The following DPEP2 variants were observed in gnomAD, a reference collection of about 807,000 sequenced individuals.
DPEP2 encodes the protein dipeptidase 2.
In DPEP2, 45 loss-of-function variants were observed where a neutral mutation model predicts 51.8. The ratio of observed to expected loss-of-function variants is 0.87; its 90% confidence interval spans 0.68 to 1.11. The LOEUF is 1.11. DPEP2 is among the 50% of genes most tolerant of loss of function. DPEP2 has a pLI of 0.00. For synonymous variants in DPEP2, 255 were observed against 262.7 expected (o/e 0.97, Z 0.28); for missense variants, 604 against 631.9 (o/e 0.96, Z 0.47).
At chr16:67,998,657 T>A (rs1314590536) in intron 1 of DPEP2, among the ~76,000 whole-genome samples, 2 of 152,246 alleles carry the variant, frequency 1.3e-5, no homozygotes, top group Non-Finnish European at 2.9e-5. Flanking sequence ...CGGGATCCAC[T>A]GGGTGAAGCC....
chr16:67,990,700 G>A, intron 7 of DPEP2, 121 bp downstream of exon 7: 1 of 1,135,424 alleles, frequency 8.8e-7, no homozygotes, highest in Non-Finnish European at 1.3e-6. Context: ...CTGACCTCAA[G>A]TGATCAGCCC....
chr16:68,000,231 A>C (rs749426233), upstream of DPEP2, among the ~76,000 whole-genome samples: 11 of 152,282 alleles, frequency 7.2e-5, no homozygotes, highest in South Asian at 2.1e-4. Context: ...TTCCTCTTCT[A>C]TGCAGTGTTT....
At position 67,992,631 on chromosome 16, in the gene DPEP2, T is replaced by A; in HGVS notation, c.269A>T (p.Asn90Ile). The change falls in exon 3 of 11, where the codon AAC (asparagine) becomes ATC (isoleucine). Residue 90 changes from asparagine to isoleucine, a missense_variant. By Grantham distance (149) the Asn-to-Ile change is moderately radical. Coordinates refer to ENST00000393847, the MANE Select transcript of DPEP2 (RefSeq NM_022355.4). Reference sequence around the variant, plus strand: ...CTGCCTTAGGACCAGGGGCAGGTCGTTGTGGCTGGAGGGATGTCAAGCCAG... The same window carrying A: ...CTGCCTTAGGACCAGGGGCAGGTCGATGTGGCTGGAGGGATGTCAAGCCAG... The part of the protein sequence containing the change: ...MRDFPLVDGH[N>I]DLPLVLRQVY... 6.2e-7 allele frequency: 1 copy of A among 1,613,246 alleles called. No individual in the cohort carries two copies. The highest frequency in any genetic ancestry group is 8.5e-7 in the Non-Finnish European group (1 of 1,179,338).
At chr16:67,998,817 CAACT>C (rs2032858286) in intron 1 of DPEP2, among the ~76,000 whole-genome samples, 1 of 152,266 alleles carries the variant, frequency 6.6e-6, no homozygotes, top group South Asian at 2.1e-4. Context: ...GTGAATGCAC[CAACT>C]GACACTCTGT....
chr16:67,992,924 A>G, intron 2 of DPEP2, 26 bp downstream of exon 2: 1 of 1,595,286 alleles, frequency 6.3e-7, no homozygotes. Context: ...CTCAGCTCCC[A>G]TCGCCCCCTT....
In DPEP2 at chr16:67,991,020, G is replaced by A. The variant is rs781418267; in HGVS notation, c.733-23C>T. The A allele has an allele frequency of 1.2e-6, 2 of 1,613,716 alleles. No homozygotes were observed. The highest frequency in any genetic ancestry group is 1.7e-6 in the Non-Finnish European group (2 of 1,179,592). ...CTTCTGCAGGGACATGTTGGGAGAA[G>A]GGTATCAGGGGTGCACATGTGTATA... On this transcript the variant is annotated intron_variant, in intron 6 of 10. Coordinates refer to ENST00000393847, the MANE Select transcript of DPEP2 (RefSeq NM_022355.4). The surrounding 1 kb of genome is among the most constrained non-coding windows in gnomAD (Gnocchi z 5.1).
Position 67,991,598 on chromosome 16 carries a change from G to C in DPEP2, c.662+240C>G, listed in dbSNP as rs768322036. ...TCACCATCTTGGCCAGGCTGGTCTCGAACTCCTGGCCTTAAGTTATCTGTC... is the reference window on the plus strand; with the variant it reads ...TCACCATCTTGGCCAGGCTGGTCTCCAACTCCTGGCCTTAAGTTATCTGTC... On this transcript the variant is annotated intron_variant, in intron 5 of 10. Coordinates refer to ENST00000393847, the MANE Select transcript of DPEP2 (RefSeq NM_022355.4). The surrounding 1 kb of genome is among the most constrained non-coding windows in gnomAD (Gnocchi z 5.1). 1 of 581,696 alleles carries C rather than the reference G, an allele frequency of 1.7e-6. No homozygotes were observed. Among genetic ancestry groups the C allele is most frequent in the Non-Finnish European group, 2.9e-6 (1 of 340,930 alleles). The allele number at this position is 581,696 out of a possible 1,614,324, so 36.0% of individuals were successfully genotyped here.
intron 9 of DPEP2, among the ~76,000 whole-genome samples, chr16:67,988,581 C>A (rs1376123329): frequency 1.4e-5 from 2 of 143,334 alleles, no homozygotes; most frequent in African/African-American, 5.2e-5. Flanking sequence ...CCAGGCTGGG[C>A]AACAGAGTGA....
Position 67,992,496 on chromosome 16 carries a change from T to C in DPEP2, c.390+14A>G, listed in dbSNP as rs1567448541. 1.2e-6 allele frequency: 2 copies of C among 1,605,794 alleles called. No homozygotes were observed. Among genetic ancestry groups the C allele is most frequent in the Non-Finnish European group, 8.5e-7 (1 of 1,174,648 alleles). On this transcript the variant is annotated intron_variant, in intron 3 of 10. Coordinates refer to ENST00000393847, the MANE Select transcript of DPEP2 (RefSeq NM_022355.4). ...AGCAGCCATGCTGTGGCACCTCGTGTATCCCTGTGGTACCTGGGCGCCCAC... is the reference window on the plus strand; with the variant it reads ...AGCAGCCATGCTGTGGCACCTCGTGCATCCCTGTGGTACCTGGGCGCCCAC...
At chr16:67,992,363 G>T in intron 3 of DPEP2, 147 bp downstream of exon 3, 1 of 1,434,644 alleles carries the variant, frequency 7.0e-7, no homozygotes, top group Non-Finnish European at 9.4e-7. Flanking sequence ...TGTAGCCTCT[G>T]CAGCCCCCAG....
rs139788135 is a variant in DPEP2 at position 67,987,951 on chromosome 16, C to T, written c.1107G>A (p.Pro369=). 6.3e-4 allele frequency: 1,016 copies of T among 1,614,158 alleles called. 1 individual carries two copies. The highest frequency in any genetic ancestry group is 7.4e-4 in the Non-Finnish European group (870 of 1,180,038). Residue 369 remains proline (P), a synonymous_variant, in exon 10 of 11, where the codon CCG becomes CCA. Coordinates refer to ENST00000393847, the MANE Select transcript of DPEP2 (RefSeq NM_022355.4). ...PQGLEDVSTY[P]VLIEELLSRG... ...GACTCAGCAACTCCTCTATCAGGAC[C>T]GGGTATGTGGACACGTCTTCCAGCC... is the stretch of plus-strand genomic sequence containing the variant.
chr16:67,990,645 G>A (rs943839738), intron 7 of DPEP2, among the ~76,000 whole-genome samples, 176 bp downstream of exon 7: 1 of 152,130 alleles, frequency 6.6e-6, no homozygotes, highest in Non-Finnish European at 1.5e-5. Context: ...TGTATTTTTA[G>A]TAGAGACGGG....
Position 67,991,717 on chromosome 16 carries a change from C to A in DPEP2, c.662+121G>T. On this transcript the variant is annotated intron_variant, in intron 5 of 10. Transcript: ENST00000393847. The surrounding 1 kb of genome is among the most constrained non-coding windows in gnomAD (Gnocchi z 5.1). ...ATTCTGAAAACCAGAATCCCAGCTC[C>A]CCTCCCCACTCCAGAGTCAGTGCCA... 1 of 1,407,068 alleles carries A rather than the reference C, an allele frequency of 7.1e-7. No individual in the cohort carries two copies. Among genetic ancestry groups the A allele is most frequent in the South Asian group, 1.4e-5 (1 of 71,746 alleles). 87.2% of individuals were successfully genotyped at this position (1,407,068 alleles called of 1,614,324 possible). A position where few individuals can be genotyped will look rare whatever the true frequency, so the allele number is the denominator to read the frequency against.
chr16:67,987,782 C>T (rs368176528), intron 10 of DPEP2, 22 bp from the exon 11 acceptor site: 28 of 1,612,594 alleles, frequency 1.7e-5, no homozygotes, highest in Non-Finnish European at 2.3e-5. Context: ...AGTCGGTGCT[C>T]AGCTTCCACA....
At chr16:67,992,458 C>T (rs1430070703) in intron 3 of DPEP2, 52 bp downstream of exon 3, 2 of 1,572,998 alleles carry the variant, frequency 1.3e-6, no homozygotes, top group African/African-American at 2.7e-5. Flanking sequence ...CCCCACTCTC[C>T]CCATCATCCC....
At position 67,993,082 on chromosome 16, in the gene DPEP2, G is replaced by C; in HGVS notation, c.131C>G (p.Thr44Ser). The change falls in exon 2 of 11, where the codon ACC (threonine) becomes AGC (serine). Residue 44 changes from threonine to serine, a missense_variant. Physicochemically the swap from Thr to Ser is moderately conservative, Grantham distance 58. Transcript: ENST00000393847. ...GTGGGCTCTGGGGGCGCCCAGCGTG[G>C]TGAGGGCTCTGGGGGGGCCTGGCGT... is the stretch of plus-strand genomic sequence containing the variant. Reference protein sequence around the residue: ...YTTPGPPRALTTLGAPRAHTM... With the variant: ...YTTPGPPRALSTLGAPRAHTM... The C allele has an allele frequency of 6.4e-7, 1 of 1,573,116 alleles. No individual in the cohort carries two copies. The highest frequency in any genetic ancestry group is 8.6e-7 in the Non-Finnish European group (1 of 1,158,438).
At position 67,989,374 on chromosome 16, in the gene DPEP2, A is replaced by G; in HGVS notation, c.1019T>C (p.Val340Ala). ...VADHFDHIKA[V>A]IGSKFIGIGG... ...AATCCCGATGAACTTGGATCCAATGACAGCCTTGATGTGGTCGAAGTGATC... is the reference window on the plus strand; with the variant it reads ...AATCCCGATGAACTTGGATCCAATGGCAGCCTTGATGTGGTCGAAGTGATC... Residue 340 changes from valine to alanine, a missense_variant, in exon 9 of 11, where the codon GTC becomes GCC. Coordinates refer to ENST00000393847, the MANE Select transcript of DPEP2 (RefSeq NM_022355.4). 6.2e-7 allele frequency: 1 copy of G among 1,614,160 alleles called. No homozygotes were observed. Among genetic ancestry groups the G allele is most frequent in the Non-Finnish European group, 8.5e-7 (1 of 1,180,010 alleles).
Position 67,992,093 on chromosome 16 carries a change from G to C in DPEP2, c.491C>G (p.Ser164Cys). 1 of 1,614,170 alleles carries C rather than the reference G, an allele frequency of 6.2e-7. No individual in the cohort carries two copies. Among genetic ancestry groups the C allele is most frequent in the Non-Finnish European group, 8.5e-7 (1 of 1,180,032 alleles). Residue 164 changes from serine (S) to cysteine (C), a missense_variant, in exon 4 of 11, where the codon TCT becomes TGT. Coordinates refer to ENST00000393847, the MANE Select transcript of DPEP2 (RefSeq NM_022355.4). Reference sequence around the variant, plus strand: ...AGCCGAGGTCACAAGCTCCAGCTCAGAATAGGAGGCACACATGCGGCGTAT... The same window carrying C: ...AGCCGAGGTCACAAGCTCCAGCTCACAATAGGAGGCACACATGCGGCGTAT... ...DLIRRMCASY[S>C]ELELVTSAKA...
chr16:67,987,501 G>C lies in DPEP2; in HGVS notation c.*5C>G. On this transcript the variant is annotated 3_prime_UTR_variant, in exon 11 of 11. Coordinates refer to ENST00000393847, the MANE Select transcript of DPEP2 (RefSeq NM_022355.4). Reference sequence around the variant, plus strand: ...CAGTGACATCTGGCAGGACTAACTGGGTCATCAGAGCCACAGAATAAGGAC... The same window carrying C: ...CAGTGACATCTGGCAGGACTAACTGCGTCATCAGAGCCACAGAATAAGGAC... 1 of 1,604,574 alleles carries C rather than the reference G, an allele frequency of 6.2e-7. No homozygotes were observed. Among genetic ancestry groups the C allele is most frequent in the Non-Finnish European group, 8.5e-7 (1 of 1,172,048 alleles).
Sources: allele counts gnomAD v4.1 joint callset (sites outside exome capture counted in the v4.1 genomes callset), GRCh38; gene constraint gnomAD v4.1.1; non-coding constraint Gnocchi (gnomAD v3.1); transcripts MANE v1.5; gene names NCBI Gene and HGNC (gene_info 2026-07-23, HGNC 2026-07-21).